PTPRZ1: variants seen among roughly 807,000 people sequenced by gnomAD.
PTPRZ1 encodes protein tyrosine phosphatase receptor type Z1, also known as receptor-type tyrosine-protein phosphatase zeta.
Under a neutral mutation model 214.1 loss-of-function variants are expected in PTPRZ1, and 82 were observed. That is an observed-to-expected ratio of 0.38 (90% CI 0.32 to 0.46). The LOEUF (loss-of-function observed/expected upper bound fraction) is 0.46. PTPRZ1 is among the 20% of genes least tolerant of loss of function. The pLI is 1.00. For missense variants in PTPRZ1, 2,603 were observed against 2,748.7 expected (o/e 0.95, Z 1.19); for synonymous variants, 945 against 987.9 (o/e 0.96, Z 0.81).
chr7:121,912,819 T>C (rs958500195), intron 1 of PTPRZ1, among the ~76,000 whole-genome samples: 3 of 152,124 alleles, frequency 2.0e-5, no homozygotes, highest in Non-Finnish European at 4.4e-5. Flanking sequence ...TTCTGTTTTC[T>C]TGGTGAGAAC....
chr7:122,061,765 A>G lies in PTPRZ1; in HGVS notation c.*545A>G, dbSNP rs921226832. 2 of 152,522 alleles carry G rather than the reference A, an allele frequency of 1.3e-5. No homozygotes were observed. The highest frequency in any genetic ancestry group is 4.8e-5 in the African/African-American group (2 of 41,414). 9.4% of individuals were successfully genotyped at this position (152,522 alleles called of 1,614,324 possible). A position where few individuals can be genotyped will look rare whatever the true frequency, so the allele number is the denominator to read the frequency against. On this transcript the variant is annotated 3_prime_UTR_variant, in exon 30 of 30. Coordinates refer to ENST00000393386, the MANE Select transcript of PTPRZ1 (RefSeq NM_002851.3). ...TTTATATTTATAATTGTAGATTTTT[A>G]TATTTTACTACTGAGTCAAGTTTTC...
chr7:122,022,123 T>C lies in PTPRZ1; in HGVS notation c.4988+2855T>C, dbSNP rs574685563. On this transcript the variant is annotated intron_variant, in intron 13 of 29. Transcript: ENST00000393386. ...GTACCAATAACAGTCCTAATGGTAA[T>C]GAAGTCCTTAAGAATTTTTCCAAGT... 2.6e-5 allele frequency among the ~76,000 whole-genome samples: 4 copies of C among 152,316 alleles called. No individual in the cohort carries two copies. The South Asian group carries it at 8.3e-4, about 32-fold the overall frequency.
chr7:121,897,381 A>T (rs1794817628), intron 1 of PTPRZ1, among the ~76,000 whole-genome samples: 1 of 152,188 alleles, frequency 6.6e-6, no homozygotes, highest in African/African-American at 2.4e-5. Flanking sequence ...GGAAAAAAAA[A>T]TGTAACATGA....
At position 122,044,747 on chromosome 7, in the gene PTPRZ1, A is replaced by G. The variant is rs549009961; in HGVS notation, c.6084+179A>G. On this transcript the variant is annotated intron_variant, in intron 23 of 29. Coordinates refer to ENST00000393386, the MANE Select transcript of PTPRZ1 (RefSeq NM_002851.3). The stretch of plus-strand genomic sequence containing the variant: ...CACATGGTAAATTTCAAGGAGAAAC[A>G]TAATTCTGAGCAGCAAGAGGAAAAG... 3.4e-4 allele frequency among the ~76,000 whole-genome samples: 52 copies of G among 152,346 alleles called. No homozygotes were observed. The South Asian group carries it at 3.9e-3, about 12-fold the overall frequency.
At chr7:122,051,960 A>G (rs1309431190) in intron 25 of PTPRZ1, 21 bp downstream of exon 25, 1 of 1,574,686 alleles carries the variant, frequency 6.4e-7, no homozygotes, top group Admixed American at 1.9e-5. Context: ...GAAGTCACTG[A>G]GGAGACTGCC....
intron 1 of PTPRZ1, among the ~76,000 whole-genome samples, chr7:121,914,475 G>A (rs1795361782): frequency 6.6e-6 from 1 of 152,182 alleles, no homozygotes; most frequent in Non-Finnish European, 1.5e-5. Context: ...TGGAGAGAAT[G>A]AAAGGCGTCC....
intron 1 of PTPRZ1, among the ~76,000 whole-genome samples, chr7:121,898,322 T>A (rs1448410438): frequency 1.3e-5 from 2 of 151,978 alleles, no homozygotes; most frequent in Admixed American, 6.6e-5. Context: ...AATGGAGAAA[T>A]TCAGAAGAAG....
chr7:121,902,150 C>T (rs1016472733), intron 1 of PTPRZ1, among the ~76,000 whole-genome samples: 1 of 152,140 alleles, frequency 6.6e-6, no homozygotes, highest in Non-Finnish European at 1.5e-5. Context: ...AACATAATAT[C>T]CTCTAGGTTT....
chr7:121,936,504 G>A (rs746247560), intron 2 of PTPRZ1, among the ~76,000 whole-genome samples: 3 of 152,156 alleles, frequency 2.0e-5, no homozygotes, highest in Non-Finnish European at 4.4e-5. Flanking sequence ...GCCTATAGCC[G>A]GGAGCACTGC....
chr7:121,997,068 AC>A (rs1562852323), intron 9 of PTPRZ1, among the ~76,000 whole-genome samples: 1 of 152,138 alleles, frequency 6.6e-6, no homozygotes, highest in Non-Finnish European at 1.5e-5. Flanking sequence ...AAAAAGATCC[AC>A]CCCTGCCTCC....
At chr7:121,999,370 A>G (rs1230449454) in intron 10 of PTPRZ1, among the ~76,000 whole-genome samples, 1 of 152,174 alleles carries the variant, frequency 6.6e-6, no homozygotes, top group Non-Finnish European at 1.5e-5. Context: ...ATGCCATATC[A>G]CGCTACACCA....
rs576687647 is a variant in PTPRZ1, at chr7:121,944,352, T to TA, written c.124+16131_124+16132insA. Among the ~76,000 whole-genome samples, 12 of 152,252 alleles carry TA rather than the reference T, an allele frequency of 7.9e-5. 1 individual carries two copies. The highest frequency in any genetic ancestry group is 2.9e-4 in the African/African-American group (12 of 41,570). The stretch of plus-strand genomic sequence containing the variant: ...TGTGTTTTTCATTCTTATATATATA[T>TA]TTTTAAGTTTTTAAAGCCTGGTAGT... On this transcript the variant is annotated intron_variant, in intron 2 of 29. Transcript: ENST00000393386.
chr7:122,039,367 C>T, intron 19 of PTPRZ1, 87 bp from the exon 20 acceptor site: 1 of 1,402,092 alleles, frequency 7.1e-7, no homozygotes, highest in South Asian at 1.4e-5. Flanking sequence ...ATTCCTGTCA[C>T]CATCTCAGAC....
At chr7:121,981,852 G>A (rs182832539) in intron 6 of PTPRZ1, among the ~76,000 whole-genome samples, 62 of 151,514 alleles carry the variant, frequency 4.1e-4, no homozygotes, top group Admixed American at 2.6e-3. Context: ...CCACTCTTTG[G>A]CTTTCCTTTT....
intron 13 of PTPRZ1, among the ~76,000 whole-genome samples, chr7:122,023,526 T>TAC (rs1303480294): frequency 1.1e-4 from 15 of 134,264 alleles, no homozygotes; most frequent in African/African-American, 3.9e-4. Context: ...TATATAATTA[T>TAC]ATATATATAA....
Position 122,011,347 on chromosome 7 carries a change from C to A in PTPRZ1, c.2301C>A (p.Val767=), listed in dbSNP as rs747986944. 2.7e-5 allele frequency: 44 copies of A among 1,614,040 alleles called. No individual in the cohort carries two copies. In the East Asian group the frequency reaches 8.7e-4, roughly 32 times the overall value. Reference sequence around the variant, plus strand: ...TTCAACCTTCCTACAGTAGTGAAGTCTTTCCTCTAGTCACCCCTTTGTTGC... The same window carrying A: ...TTCAACCTTCCTACAGTAGTGAAGTATTTCCTCTAGTCACCCCTTTGTTGC... ...TPLQPSYSSE[V]FPLVTPLLLD... The change falls in exon 12 of 30, where the codon GTC becomes GTA. Residue 767 remains valine (V), a synonymous_variant. Coordinates refer to ENST00000393386, the MANE Select transcript of PTPRZ1 (RefSeq NM_002851.3).
At chr7:122,052,335 T>G (rs956422575) in intron 25 of PTPRZ1, among the ~76,000 whole-genome samples, 3 of 152,178 alleles carry the variant, frequency 2.0e-5, no homozygotes, top group Non-Finnish European at 4.4e-5. Context: ...TGCAGCATGA[T>G]TTTTAGCCTG....
chr7:122,044,717 A>C lies in PTPRZ1; in HGVS notation c.6084+149A>C, dbSNP rs1403734017. 3.8e-6 allele frequency: 3 copies of C among 785,834 alleles called. No homozygotes were observed. In the East Asian group the frequency reaches 8.3e-5, roughly 22 times the overall value. 48.7% of individuals were successfully genotyped at this position (785,834 alleles called of 1,614,324 possible). ...ATCGTTGTTCCTTACTGTGGGCTAC[A>C]GTGCCACATGGTAAATTTCAAGGAG... On this transcript the variant is annotated intron_variant, in intron 23 of 29. Coordinates refer to ENST00000393386, the MANE Select transcript of PTPRZ1 (RefSeq NM_002851.3).
rs760666381 is a variant in PTPRZ1 at position 122,034,357 on chromosome 7, C to A, written c.5263C>A (p.Arg1755=). Residue 1755 remains arginine (R), a synonymous_variant, in exon 17 of 30, where the codon CGA becomes AGA. Coordinates refer to ENST00000393386, the MANE Select transcript of PTPRZ1 (RefSeq NM_002851.3). ...CCACCCAGACAACAAGCACAAGAAT[C>A]GATACATAAATATCGTTGCCTGTAA... ...SNHPDNKHKN[R]YINIVAYDHS... The A allele has an allele frequency of 3.3e-5, 54 of 1,612,928 alleles. No homozygotes were observed. The Middle Eastern group carries it at 9.9e-4, about 29-fold the overall frequency.
Sources: gnomAD v4.1 joint callset for allele counts (sites outside exome capture counted in the v4.1 genomes callset) on GRCh38, gnomAD v4.1.1 for gene constraint, MANE v1.5 for transcripts, NCBI Gene and HGNC (gene_info 2026-07-23, HGNC 2026-07-21) for gene names.